The following BMPR1B variants were observed in gnomAD, a reference collection of about 807,000 sequenced individuals.
The protein encoded by BMPR1B is bone morphogenetic protein receptor type 1B.
A neutral mutation model predicts 59.1 loss-of-function variants in BMPR1B; 12 were observed. The ratio of observed to expected loss-of-function variants is 0.20; its 90% CI spans 0.13 to 0.33. The LOEUF (loss-of-function observed/expected upper bound fraction) is 0.33, where lower values mean the gene tolerates loss of function less well. Among genes scored for constraint, BMPR1B ranks in the 10% least tolerant of loss-of-function variants. BMPR1B has a pLI of 1.00. For missense variants in BMPR1B, 550 were observed against 610.9 expected (o/e 0.90, Z 1.05); for synonymous variants, 237 against 207.3 (o/e 1.14, Z -1.23).
chr4:94,837,299 A>G lies in BMPR1B; in HGVS notation c.-182-38532A>G, dbSNP rs543726209. On this transcript the variant is annotated intron_variant, in intron 1 of 12. Coordinates refer to ENST00000515059, the MANE Select transcript of BMPR1B (RefSeq NM_001203.3). ...AGTTTTTTTCCATTTCTGTGAAGAA[A>G]GGCATTGGTAGCTTGATGAGGATGG... is the stretch of plus-strand genomic sequence containing the variant. Among the ~76,000 whole-genome samples, 15 of 149,804 alleles carry G rather than the reference A, an allele frequency of 1.0e-4. No individual in the cohort carries two copies. In the East Asian group the frequency reaches 2.7e-3, roughly 27 times the overall value.
At chr4:94,985,509 C>CTGTGTGTGTG (rs60003954) in intron 2 of BMPR1B, among the ~76,000 whole-genome samples, 142 of 138,882 alleles carry the variant, frequency 1.0e-3, no homozygotes, top group African/African-American at 3.1e-3. Flanking sequence ...AAAATAAGAG[C>CTGTGTGTGTG]TGTGTGTGTG....
chr4:95,024,021 C>T (rs977618274), intron 3 of BMPR1B, among the ~76,000 whole-genome samples: 2 of 152,122 alleles, frequency 1.3e-5, no homozygotes, highest in African/African-American at 2.4e-5. Flanking sequence ...TAGTTCAAGG[C>T]ACTTCCCATT....
At chr4:94,887,426 A>G (rs1727223729) in intron 2 of BMPR1B, among the ~76,000 whole-genome samples, 1 of 148,268 alleles carries the variant, frequency 6.7e-6, no homozygotes, top group Admixed American at 6.7e-5. Context: ...AAAAAAAACA[A>G]GAAGCAGAAG....
chr4:95,128,132 C>T lies in BMPR1B; in HGVS notation c.586-1730C>T, dbSNP rs1026559673. ...AACTCCTGGACTCAAGGGATCCTCC[C>T]TCCACAGCCTCCCAAAGTGCTGGGA... On this transcript the variant is annotated intron_variant, in intron 8 of 12. Coordinates refer to ENST00000515059, the MANE Select transcript of BMPR1B (RefSeq NM_001203.3). 4.0e-4 allele frequency among the ~76,000 whole-genome samples: 61 copies of T among 152,196 alleles called. 1 individual carries two copies. The highest frequency in any genetic ancestry group is 4.0e-3 in the Admixed American group (61 of 15,282).
intron 1 of BMPR1B, among the ~76,000 whole-genome samples, chr4:94,822,343 T>C (rs1724237133): frequency 6.6e-6 from 1 of 152,128 alleles, no homozygotes; most frequent in African/African-American, 2.4e-5. Flanking sequence ...TATGTCTGAG[T>C]TTTAACTTAG....
intron 1 of BMPR1B, among the ~76,000 whole-genome samples, chr4:94,826,046 A>G (rs1038480328): frequency 6.6e-6 from 1 of 152,196 alleles, no homozygotes; most frequent in African/African-American, 2.4e-5. Context: ...TTGTGGAAAA[A>G]AAAATTTTAA....
intron 1 of BMPR1B, among the ~76,000 whole-genome samples, chr4:94,770,186 GTTTTT>G (rs56902521): frequency 1.8e-5 from 1 of 54,134 alleles, no homozygotes. Flanking sequence ...TTCTGTGTTT[GTTTTT>G]TTTTTTTTTT....
chr4:94,854,113 A>G (rs1725666218), intron 1 of BMPR1B, among the ~76,000 whole-genome samples: 1 of 121,530 alleles, frequency 8.2e-6, no homozygotes, highest in Admixed American at 7.6e-5. Context: ...TTTGAGGACT[A>G]CTGTGAAGCT....
chr4:95,118,862 A>T (rs1472039402), intron 6 of BMPR1B, among the ~76,000 whole-genome samples: 1 of 152,180 alleles, frequency 6.6e-6, no homozygotes, highest in Non-Finnish European at 1.5e-5. Flanking sequence ...GCTGCCGGGG[A>T]TAGGGTTATG....
chr4:95,083,777 C>CT (rs1163323614), intron 3 of BMPR1B, among the ~76,000 whole-genome samples: 3 of 152,206 alleles, frequency 2.0e-5, no homozygotes, highest in South Asian at 4.1e-4. Flanking sequence ...ATGCTTATCT[C>CT]TTTTTTTGTG....
At chr4:95,000,731 GATT>G (rs1341974236) in intron 3 of BMPR1B, among the ~76,000 whole-genome samples, 1 of 152,016 alleles carries the variant, frequency 6.6e-6, no homozygotes, top group Non-Finnish European at 1.5e-5. Flanking sequence ...AGTATGGAAA[GATT>G]ATAACAACAA....
chr4:95,103,119 G>T (rs1264889543), intron 3 of BMPR1B, among the ~76,000 whole-genome samples: 2 of 151,790 alleles, frequency 1.3e-5, no homozygotes, highest in Non-Finnish European at 2.9e-5. Flanking sequence ...TTAATAGAGA[G>T]AAAATTCTGA....
intron 2 of BMPR1B, among the ~76,000 whole-genome samples, chr4:94,924,288 A>ACT (rs942862105): frequency 6.6e-6 from 1 of 152,086 alleles, no homozygotes; most frequent in African/African-American, 2.4e-5. Context: ...TCTAAGCAAA[A>ACT]CTTACTGTAC....
At chr4:95,105,752 A>T (rs1003033923) in intron 4 of BMPR1B, among the ~76,000 whole-genome samples, 8 of 152,002 alleles carry the variant, frequency 5.3e-5, no homozygotes, top group African/African-American at 1.9e-4. Context: ...TGACCACTGA[A>T]TTTTTTTGCC....
chr4:94,769,155 A>G (rs1722077468), intron 1 of BMPR1B, among the ~76,000 whole-genome samples: 1 of 152,206 alleles, frequency 6.6e-6, no homozygotes, highest in African/African-American at 2.4e-5. Context: ...TGGAAGGTGT[A>G]ATGTAGTTTA....
At chr4:94,869,142 ACT>A (rs1160467114) in intron 1 of BMPR1B, among the ~76,000 whole-genome samples, 35 of 137,524 alleles carry the variant, frequency 2.5e-4, no homozygotes, top group African/African-American at 9.0e-4. Flanking sequence ...ACACACACAC[ACT>A]TTGCTTTAAA....
At chr4:94,919,664 C>T (rs889485310) in intron 2 of BMPR1B, among the ~76,000 whole-genome samples, 2 of 152,160 alleles carry the variant, frequency 1.3e-5, no homozygotes, top group African/African-American at 4.8e-5. Context: ...CCACAAGGAG[C>T]AGGCCTTCTT....
intron 2 of BMPR1B, among the ~76,000 whole-genome samples, chr4:94,908,172 AACAGGAG>A (rs1217157368): frequency 2.0e-5 from 3 of 151,340 alleles, no homozygotes; most frequent in African/African-American, 7.3e-5. Context: ...GTTGCCCTGT[AACAGGAG>A]ACAAGAAGAT....
intron 3 of BMPR1B, among the ~76,000 whole-genome samples, chr4:95,078,619 T>C (rs1728883284): frequency 6.6e-6 from 1 of 152,350 alleles, no homozygotes; most frequent in Admixed American, 6.5e-5. Context: ...CTTTCTTCTG[T>C]AATGTGCTGC....
Sources: allele counts gnomAD v4.1 joint callset (sites outside exome capture counted in the v4.1 genomes callset), GRCh38; gene constraint gnomAD v4.1.1; transcripts MANE v1.5; gene names NCBI Gene and HGNC (gene_info 2026-07-23, HGNC 2026-07-21).